The following FSTL5 variants were observed in gnomAD, a reference collection of about 807,000 sequenced individuals.
The protein encoded by FSTL5 is follistatin like 5.
Under a neutral mutation model 89.1 loss-of-function variants are expected in FSTL5, and 62 were observed. The observed-to-expected ratio is 0.70, with a 90% CI of 0.57 to 0.86. The LOEUF (loss-of-function observed/expected upper bound fraction) is 0.86. Among genes scored for constraint, FSTL5 ranks in the 40% least tolerant of loss-of-function variants. The pLI is 0.00. For missense variants in FSTL5, 1,057 were observed against 1,001.6 expected (o/e 1.06, Z -0.75); for synonymous variants, 383 against 346.2 (o/e 1.11, Z -1.18).
chr4:161,897,547 C>T (rs1416819082), intron 4 of FSTL5, among the ~76,000 whole-genome samples: 2 of 126,626 alleles, frequency 1.6e-5, no homozygotes, highest in African/African-American at 6.1e-5. Context: ...TGCACTCTAG[C>T]GTGGGCAGCA....
chr4:161,532,025 A>G (rs1014886442), intron 10 of FSTL5, among the ~76,000 whole-genome samples: 1 of 152,070 alleles, frequency 6.6e-6, no homozygotes, highest in African/African-American at 2.4e-5. Flanking sequence ...TAACATGGTG[A>G]AACCCCGTCT....
Position 161,989,709 on chromosome 4 carries a change from G to T in FSTL5, c.160+43916C>A, listed in dbSNP as rs987102261. On this transcript the variant is annotated intron_variant, in intron 3 of 15. Transcript: ENST00000306100. ...GTATAGGGACAGAGAATGGTGAGTG[G>T]CTGGCAGAGGTTGCATTGGGAAGTT... Among the ~76,000 whole-genome samples, 7 of 152,114 alleles carry T rather than the reference G, an allele frequency of 4.6e-5. No individual in the cohort carries two copies. In the East Asian group the frequency reaches 1.4e-3, roughly 29 times the overall value.
intron 2 of FSTL5, among the ~76,000 whole-genome samples, chr4:162,080,552 T>G (rs764290481): frequency 5.3e-5 from 8 of 151,672 alleles, no homozygotes; most frequent in Non-Finnish European, 1.0e-4. Flanking sequence ...TTTTATAAAC[T>G]GTGCCATTTA....
chr4:161,547,984 T>A (rs1334792114), intron 8 of FSTL5, among the ~76,000 whole-genome samples: 1 of 151,910 alleles, frequency 6.6e-6, no homozygotes, highest in Non-Finnish European at 1.5e-5. Context: ...AAACCCTTTT[T>A]GAAACATTCT....
At chr4:161,830,952 C>G (rs1017500038) in intron 4 of FSTL5, among the ~76,000 whole-genome samples, 1 of 151,794 alleles carries the variant, frequency 6.6e-6, no homozygotes, top group South Asian at 2.1e-4. Context: ...TGTGTGGGTC[C>G]CTATTAGTGA....
chr4:161,435,173 T>C (rs541151659), intron 15 of FSTL5, among the ~76,000 whole-genome samples: 1 of 152,228 alleles, frequency 6.6e-6, no homozygotes, highest in East Asian at 1.9e-4. Flanking sequence ...GGAAGCAAGC[T>C]AAGTGCTCAT....
At chr4:161,948,908 C>T (rs1260789507) in intron 3 of FSTL5, among the ~76,000 whole-genome samples, 1 of 152,096 alleles carries the variant, frequency 6.6e-6, no homozygotes, top group African/African-American at 2.4e-5. Context: ...TCTCTCACAG[C>T]TTGTATTAAT....
At chr4:162,112,819 G>C (rs1731500002) in intron 1 of FSTL5, among the ~76,000 whole-genome samples, 1 of 120,678 alleles carries the variant, frequency 8.3e-6, no homozygotes, top group Non-Finnish European at 1.8e-5. Context: ...ACACACACCA[G>C]TGGGCATTCC....
chr4:161,525,531 A>G (rs1302893803), intron 10 of FSTL5, among the ~76,000 whole-genome samples: 1 of 152,198 alleles, frequency 6.6e-6, no homozygotes. Context: ...AAGTGTATGC[A>G]TGAAATTAAA....
intron 6 of FSTL5, among the ~76,000 whole-genome samples, chr4:161,681,960 A>G (rs900444145): frequency 2.0e-5 from 3 of 152,182 alleles, no homozygotes; most frequent in African/African-American, 7.2e-5. Flanking sequence ...TAGATGGTAC[A>G]GACTACTATA....
intron 12 of FSTL5, among the ~76,000 whole-genome samples, chr4:161,497,140 A>T (rs1166004972): frequency 1.3e-5 from 2 of 152,140 alleles, no homozygotes; most frequent in Non-Finnish European, 1.5e-5. Context: ...GCATAACATG[A>T]TCAATGCGCT....
intron 14 of FSTL5, among the ~76,000 whole-genome samples, chr4:161,457,537 C>T (rs13130159): frequency 0.13 from 19,311 of 151,836 alleles, 1,560 homozygotes; most frequent in Non-Finnish European, 0.19. Context: ...GGAATTGCAA[C>T]GCTGGGAAAG....
intron 4 of FSTL5, among the ~76,000 whole-genome samples, chr4:161,778,735 C>T (rs928040503): frequency 6.6e-6 from 1 of 152,180 alleles, no homozygotes; most frequent in Non-Finnish European, 1.5e-5. Flanking sequence ...CAGCAAGAAA[C>T]TCATTGACAA....
intron 4 of FSTL5, among the ~76,000 whole-genome samples, chr4:161,832,226 T>C (rs1268217853): frequency 6.6e-6 from 1 of 152,056 alleles, no homozygotes; most frequent in African/African-American, 2.4e-5. Flanking sequence ...ACAGATGATA[T>C]GAAATCTGAA....
intron 1 of FSTL5, among the ~76,000 whole-genome samples, chr4:162,127,964 A>G (rs1221174578): frequency 6.6e-6 from 1 of 152,216 alleles, no homozygotes; most frequent in Non-Finnish European, 1.5e-5. Flanking sequence ...TTTTTAAAAG[A>G]AATCCCACCA....
intron 9 of FSTL5, among the ~76,000 whole-genome samples, chr4:161,539,906 T>A (rs1429702037): frequency 6.7e-6 from 1 of 150,228 alleles, no homozygotes; most frequent in Non-Finnish European, 1.5e-5. Context: ...TCATACCTTT[T>A]TTTTTTTTTT....
At chr4:162,076,922 T>G (rs983766959) in intron 2 of FSTL5, among the ~76,000 whole-genome samples, 1 of 151,872 alleles carries the variant, frequency 6.6e-6, no homozygotes, top group Non-Finnish European at 1.5e-5. Context: ...TATGGGTTAG[T>G]GTACCACTTA....
At chr4:161,705,950 G>GTA (rs775369439) in intron 6 of FSTL5, among the ~76,000 whole-genome samples, 143 of 18,466 alleles carry the variant, frequency 7.7e-3, no homozygotes, top group Non-Finnish European at 0.011. Flanking sequence ...GTGTAGATGT[G>GTA]TGTATATATA....
chr4:161,844,180 CAT>C (rs908353574), intron 4 of FSTL5, among the ~76,000 whole-genome samples: 106 of 152,230 alleles, frequency 7.0e-4, no homozygotes, highest in African/African-American at 1.9e-3. Context: ...AGCCAATAAA[CAT>C]ATGAAAAAAG....
Sources: gnomAD v4.1 joint callset for allele counts (sites outside exome capture counted in the v4.1 genomes callset) on GRCh38, gnomAD v4.1.1 for gene constraint, MANE v1.5 for transcripts, NCBI Gene and HGNC (gene_info 2026-07-23, HGNC 2026-07-21) for gene names.